Variants in TCERG1 observed in about 807,000 individuals in gnomAD.
TCERG1 encodes the protein TATA box binding protein (TBP)-associated factor, RNA polymerase II, S, 150kD.
TCERG1 carries 37 observed loss-of-function variants against 144.7 expected under a neutral mutation model. That is an observed-to-expected ratio of 0.26 (90% CI 0.20 to 0.34). The LOEUF (loss-of-function observed/expected upper bound fraction) is 0.34, where lower values mean the gene tolerates loss of function less well. Among genes scored for constraint, TCERG1 ranks in the 10% least tolerant of loss-of-function variants. The pLI is 1.00. For missense variants in TCERG1, 1,027 were observed against 1,380.7 expected, an observed-to-expected ratio of 0.74 and a Z score of 4.06; for synonymous variants, 492 against 458.2, an observed-to-expected ratio of 1.07 and a Z score of -0.94.
At chr5:146,482,877 T>A (rs1240606668) in intron 14 of TCERG1, 150 bp downstream of exon 14, 9 of 1,078,090 alleles carry the variant, frequency 8.3e-6, no homozygotes, top group African/African-American at 1.6e-5. Flanking sequence ...TGCAACAGCC[T>A]TTTTCTTGGC....
intron 8 of TCERG1, among the ~76,000 whole-genome samples, chr5:146,471,054 G>C (rs1365167164): frequency 6.6e-6 from 1 of 152,190 alleles, no homozygotes; most frequent in Non-Finnish European, 1.5e-5. Flanking sequence ...CTTACTTGGG[G>C]AATGTTAGAT....
chr5:146,477,661 T>C (rs1252061174), intron 9 of TCERG1, among the ~76,000 whole-genome samples: 1 of 151,436 alleles, frequency 6.6e-6, no homozygotes, highest in African/African-American at 2.4e-5. Context: ...TGGGCTGCAG[T>C]GTATGATGCC....
At chr5:146,501,069 A>G (rs1767393686) in intron 17 of TCERG1, among the ~76,000 whole-genome samples, 1 of 151,878 alleles carries the variant, frequency 6.6e-6, no homozygotes, top group Admixed American at 6.6e-5. Flanking sequence ...TTCTTAAGCT[A>G]TTTTATTGTA....
Position 146,454,207 on chromosome 5 carries a change from A to G in TCERG1, c.60-849A>G, listed in dbSNP as rs12514255. ...AGAGTGAGACTTGGTCTCAAAAAAA[A>G]AAAAGAAAAGAAAAGAAAGAACATT... On this transcript the variant is annotated intron_variant, in intron 1 of 22. Coordinates refer to ENST00000679501, the MANE Select transcript of TCERG1 (RefSeq NM_001382548.1). 6.4e-4 allele frequency among the ~76,000 whole-genome samples: 96 copies of G among 149,754 alleles called. 1 individual carries two copies. Among genetic ancestry groups the G allele is most frequent in the African/African-American group, 2.1e-3 (87 of 40,746 alleles).
At chr5:146,463,010 A>G (rs1404109697) in intron 4 of TCERG1, among the ~76,000 whole-genome samples, 2 of 152,020 alleles carry the variant, frequency 1.3e-5, no homozygotes, top group African/African-American at 4.8e-5. Context: ...CCCTTTTCCT[A>G]TCCATTTAAG....
At position 146,483,294 on chromosome 5, in the gene TCERG1, A is replaced by G. The variant is rs192797734; in HGVS notation, c.2074-246A>G. Among the ~76,000 whole-genome samples, 8 of 152,290 alleles carry G rather than the reference A, an allele frequency of 5.3e-5. No homozygotes were observed. The East Asian group carries it at 1.5e-3, about 29-fold the overall frequency. ...ACTGATTTTTAAAATGTCACACAGT[A>G]GTAGTTATTTTAATGAGTAATTAAG... On this transcript the variant is annotated intron_variant, in intron 14 of 22. Coordinates refer to ENST00000679501, the MANE Select transcript of TCERG1 (RefSeq NM_001382548.1).
At chr5:146,472,092 T>C (rs1178079307) in intron 9 of TCERG1, among the ~76,000 whole-genome samples, 1 of 152,226 alleles carries the variant, frequency 6.6e-6, no homozygotes, top group Non-Finnish European at 1.5e-5. Context: ...TTAATGTGTA[T>C]TCTTCATAAT....
chr5:146,463,816 T>C (rs1222045406), intron 5 of TCERG1, 23 bp downstream of exon 5: 1 of 1,613,814 alleles, frequency 6.2e-7, no homozygotes, highest in Admixed American at 1.7e-5. Context: ...ATTATAATGG[T>C]CTTTCCAGCT....
intron 17 of TCERG1, among the ~76,000 whole-genome samples, chr5:146,501,419 T>C (rs1197966345): frequency 2.0e-5 from 3 of 152,250 alleles, no homozygotes; most frequent in Non-Finnish European, 2.9e-5. Flanking sequence ...TTTAATTTTA[T>C]TTAAAGTTCA....
rs111879925 is a variant in TCERG1 at position 146,459,111 on chromosome 5, A to G, written c.666A>G (p.Gln222=). The G allele has an allele frequency of 1.4e-4, 220 of 1,557,036 alleles. No individual in the cohort carries two copies. The African/African-American group carries it at 1.4e-3, about 10-fold the overall frequency. Residue 222 remains glutamine, a synonymous_variant, in exon 4 of 23, where the codon CAA becomes CAG. Transcript: ENST00000679501. The stretch of plus-strand genomic sequence containing the variant: ...AGGCCCAGGCCCAGGCCCAGGCCCA[A>G]GCCCAAGCCCAGGCCCAGGCTCAGG... ...QAQAQAQAQA[Q]AQAQAQAQAQ...
intron 1 of TCERG1, 101 bp downstream of exon 1, chr5:146,447,509 G>A (rs1440769191): frequency 2.0e-6 from 3 of 1,469,574 alleles, no homozygotes; most frequent in Admixed American, 4.7e-5. Context: ...GTGGGTAGCG[G>A]AGCCGGGCGG....
At chr5:146,495,331 A>G (rs1202481485) in intron 16 of TCERG1, among the ~76,000 whole-genome samples, 1 of 152,210 alleles carries the variant, frequency 6.6e-6, no homozygotes, top group South Asian at 2.1e-4. Flanking sequence ...GTTTTGGAGC[A>G]TTTGGATTTC....
At chr5:146,471,600 A>ATTT (rs141675712) in intron 9 of TCERG1, 24 bp downstream of exon 9, 100 of 1,388,218 alleles carry the variant, frequency 7.2e-5, no homozygotes, top group Middle Eastern at 2.1e-4. Context: ...TCAAGTAGTA[A>ATTT]TTTTTTTTTT....
chr5:146,457,088 GT>G, intron 2 of TCERG1, 94 bp from the exon 3 acceptor site: 14 of 1,485,404 alleles, frequency 9.4e-6, no homozygotes, highest in Non-Finnish European at 1.3e-5. Context: ...TATAAAACTA[GT>G]TTCTCTTACA....
Position 146,510,709 on chromosome 5 carries a change from C to A in TCERG1, c.*67C>A. The A allele has an allele frequency of 6.8e-7, 1 of 1,477,868 alleles. No homozygotes were observed. The highest frequency in any genetic ancestry group is 9.2e-7 in the Non-Finnish European group (1 of 1,085,804). The allele number at this position is 1,477,868 out of a possible 1,614,324, so 91.5% of individuals were successfully genotyped here. ...GCATGAGCCAATTTTCAGGTTTTTA[C>A]ATATATGTGCATTAGTCAACCTATT... On this transcript the variant is annotated 3_prime_UTR_variant, in exon 23 of 23. Transcript: ENST00000679501.
intron 8 of TCERG1, 21 bp downstream of exon 8, chr5:146,470,769 A>G (rs1764215166): frequency 6.5e-7 from 1 of 1,546,140 alleles, no homozygotes; most frequent in African/African-American, 1.4e-5. Context: ...ATGACCTGTT[A>G]ACCTGGGAGC....
In TCERG1 at chr5:146,510,681, C is replaced by G; in HGVS notation, c.*39C>G. On this transcript the variant is annotated 3_prime_UTR_variant, in exon 23 of 23. Coordinates refer to ENST00000679501, the MANE Select transcript of TCERG1 (RefSeq NM_001382548.1). ...TCCATAGGGGCATCTATTCAAAATG[C>G]TTGCATGAGCCAATTTTCAGGTTTT... is the stretch of plus-strand genomic sequence containing the variant. The G allele has an allele frequency of 6.4e-7, 1 of 1,568,682 alleles. No individual in the cohort carries two copies. Among genetic ancestry groups the G allele is most frequent in the East Asian group, 2.3e-5 (1 of 44,010 alleles).
At chr5:146,498,825 T>C (rs776217316) in intron 17 of TCERG1, 139 bp downstream of exon 17, 21 of 865,304 alleles carry the variant, frequency 2.4e-5, no homozygotes, top group Non-Finnish European at 3.0e-5. Context: ...TTAACTTTTA[T>C]AATTATTTAT....
intron 4 of TCERG1, chr5:146,462,213 G>A (rs151171160): frequency 2.5e-4 from 38 of 152,616 alleles, no homozygotes; most frequent in African/African-American, 8.9e-4. Flanking sequence ...TGGATTATTG[G>A]GTGATTTGTA....
Sources: gnomAD v4.1 joint callset for allele counts (sites outside exome capture counted in the v4.1 genomes callset) on GRCh38, gnomAD v4.1.1 for gene constraint, MANE v1.5 for transcripts, NCBI Gene and HGNC (gene_info 2026-07-23, HGNC 2026-07-21) for gene names.